Variants in CDH2 observed in about 807,000 individuals in gnomAD.
The protein encoded by CDH2 is cadherin-2.
A neutral mutation model predicts 92.0 loss-of-function variants in CDH2; 17 were observed. The ratio of observed to expected loss-of-function variants is 0.18; its 90% confidence interval spans 0.13 to 0.28. CDH2 has a LOEUF of 0.28. CDH2 is among the 10% of genes least tolerant of loss of function. CDH2 has a pLI of 1.00. For missense variants in CDH2, 862 were observed against 1,133.1 expected, an observed-to-expected ratio of 0.76 and a Z score of 3.44; for synonymous variants, 419 against 415.9, an observed-to-expected ratio of 1.01 and a Z score of -0.09.
chr18:28,134,058 G>A (rs955388229), intron 2 of CDH2, among the ~76,000 whole-genome samples: 8 of 151,058 alleles, frequency 5.3e-5, no homozygotes, highest in African/African-American at 1.5e-4. Context: ...CTACTCAGGC[G>A]GCTAAAGTAA....
chr18:27,938,636 T>G (rs1909072331), intron 6 of CDH2, among the ~76,000 whole-genome samples: 1 of 152,202 alleles, frequency 6.6e-6, no homozygotes, highest in African/African-American at 2.4e-5. Context: ...ATAATTATAC[T>G]ATACCCTTTC....
At chr18:28,040,753 G>T (rs2013932955) in intron 2 of CDH2, among the ~76,000 whole-genome samples, 2 of 152,204 alleles carry the variant, frequency 1.3e-5, no homozygotes, top group South Asian at 4.1e-4. Flanking sequence ...AATACCAAAT[G>T]GGTGACTCCC....
chr18:28,162,721 C>A (rs1030157436), intron 1 of CDH2, among the ~76,000 whole-genome samples: 1 of 152,132 alleles, frequency 6.6e-6, no homozygotes, highest in Non-Finnish European at 1.5e-5. Context: ...AGGAACTGGC[C>A]GAGTTGTTAT....
chr18:28,128,648 T>G (rs2015716969), intron 2 of CDH2, among the ~76,000 whole-genome samples: 1 of 151,282 alleles, frequency 6.6e-6, no homozygotes, highest in South Asian at 2.1e-4. Flanking sequence ...ATCATGCCAT[T>G]GCACTCCAGC....
intron 14 of CDH2, among the ~76,000 whole-genome samples, chr18:27,976,005 A>C (rs2011815963): frequency 6.6e-6 from 1 of 152,128 alleles, no homozygotes; most frequent in African/African-American, 2.4e-5. Flanking sequence ...GGGTCCTTAT[A>C]GGGACAGAAT....
At chr18:27,938,538 CT>C (rs1909071077) in intron 6 of CDH2, among the ~76,000 whole-genome samples, 2 of 152,078 alleles carry the variant, frequency 1.3e-5, no homozygotes, top group South Asian at 4.1e-4. Flanking sequence ...TTTGGATTAT[CT>C]TTTTCAATCA....
intron 2 of CDH2, among the ~76,000 whole-genome samples, chr18:28,141,162 A>G (rs1451314272): frequency 2.6e-5 from 4 of 151,802 alleles, no homozygotes; most frequent in South Asian, 2.1e-4. Flanking sequence ...CAATCCCTCA[A>G]TTCTACTCCC....
chr18:28,107,144 C>T (rs2015334788), intron 2 of CDH2, among the ~76,000 whole-genome samples: 1 of 152,006 alleles, frequency 6.6e-6, no homozygotes, highest in Non-Finnish European at 1.5e-5. Flanking sequence ...TTTCAGACTA[C>T]AAAATCAACG....
intron 2 of CDH2, among the ~76,000 whole-genome samples, chr18:28,138,045 T>C (rs1438815562): frequency 2.0e-5 from 3 of 152,020 alleles, no homozygotes; most frequent in African/African-American, 7.2e-5. Flanking sequence ...TCTGGATGTG[T>C]GTGTGTGTGT....
intron 2 of CDH2, among the ~76,000 whole-genome samples, chr18:28,060,595 C>T (rs960024865): frequency 6.6e-5 from 10 of 152,162 alleles, no homozygotes; most frequent in Non-Finnish European, 1.0e-4. Context: ...GCACTTGATT[C>T]TTTCTCTTTA....
chr18:28,048,758 T>C lies in CDH2; in HGVS notation c.173-34849A>G, dbSNP rs551912205. On this transcript the variant is annotated intron_variant, in intron 2 of 15. Coordinates refer to ENST00000269141, the MANE Select transcript of CDH2 (RefSeq NM_001792.5). ...CCTTTACTTCAGAACAGGCAAACAC[T>C]GCCAGCAAAAACAACAAACAAAATT... is the stretch of plus-strand genomic sequence containing the variant. 1.2e-4 allele frequency among the ~76,000 whole-genome samples: 19 copies of C among 152,246 alleles called. 1 individual carries two copies. In the East Asian group the frequency reaches 3.5e-3, roughly 28 times the overall value.
rs181931861 is a variant in CDH2 at position 28,078,296 on chromosome 18, T to C, written c.173-64387A>G. 1.5e-3 allele frequency among the ~76,000 whole-genome samples: 223 copies of C among 152,204 alleles called. 2 individuals carry two copies. Among genetic ancestry groups the C allele is most frequent in the African/African-American group, 5.2e-3 (217 of 41,544 alleles). ...ACCTCCTGGAACTGTGCAAACACTA[T>C]ATGATTTAATATATATAAGCAAAGT... On this transcript the variant is annotated intron_variant, in intron 2 of 15. Coordinates refer to ENST00000269141, the MANE Select transcript of CDH2 (RefSeq NM_001792.5).
Position 28,095,807 on chromosome 18 carries a change from C to CAGAA in CDH2, c.172+51865_172+51866insTTCT, listed in dbSNP as rs1481029739. Among the ~76,000 whole-genome samples the CAGAA allele has an allele frequency of 7.8e-5, 8 of 102,934 alleles. No individual in the cohort carries two copies. In the Admixed American group the frequency reaches 9.1e-4, roughly 12 times the overall value. 67.5% of individuals were successfully genotyped at this position (102,934 alleles called of 152,430 possible). A position where few individuals can be genotyped will look rare whatever the true frequency, so the allele number is the denominator to read the frequency against. ...CCTGGGCAATAGGATGCAACTCCAT[C>CAGAA]AAAAAAAAAAAAAAAAAAGAAAGAA... On this transcript the variant is annotated intron_variant, in intron 2 of 15. Transcript: ENST00000269141.
downstream of CDH2, among the ~76,000 whole-genome samples, chr18:27,949,006 G>A (rs1011534506): frequency 6.6e-6 from 1 of 151,900 alleles, no homozygotes; most frequent in Admixed American, 6.6e-5. Context: ...AGAAAAACAT[G>A]TTTCTGGATG....
At chr18:28,024,712 A>G (rs978251838) in intron 2 of CDH2, among the ~76,000 whole-genome samples, 2 of 151,740 alleles carry the variant, frequency 1.3e-5, no homozygotes, top group Non-Finnish European at 2.9e-5. Context: ...AAATCAACTA[A>G]TTTAATTGAA....
At chr18:28,085,398 G>C (rs890935655) in intron 2 of CDH2, among the ~76,000 whole-genome samples, 1 of 152,008 alleles carries the variant, frequency 6.6e-6, no homozygotes, top group Non-Finnish European at 1.5e-5. Context: ...CATTCTACTT[G>C]TTCACCTGCT....
At position 28,011,983 on chromosome 18, in the gene CDH2, C is replaced by T. The variant is rs1248902182; in HGVS notation, c.409G>A (p.Glu137Lys). 6.2e-7 allele frequency: 1 copy of T among 1,613,496 alleles called. No individual in the cohort carries two copies. Among genetic ancestry groups the T allele is most frequent in the South Asian group, 1.1e-5 (1 of 90,986 alleles). ...LTEESVKESA[E>K]VEEIVFPRQF... Reference sequence around the variant, plus strand: ...CTTGGGAACACTATTTCTTCAACTTCTGCTGACTCCTTTACATTAAAATAG... The same window carrying T: ...CTTGGGAACACTATTTCTTCAACTTTTGCTGACTCCTTTACATTAAAATAG... Residue 137 changes from glutamate (E) to lysine (K), a missense_variant, in exon 4 of 16, where the codon GAA becomes AAA. By Grantham distance (56) the Glu-to-Lys change is moderately conservative. Coordinates refer to ENST00000269141, the MANE Select transcript of CDH2 (RefSeq NM_001792.5).
chr18:27,936,748 T>A (rs1909029091), intron 6 of CDH2, among the ~76,000 whole-genome samples: 1 of 152,162 alleles, frequency 6.6e-6, no homozygotes. Context: ...TTGTCCAGAC[T>A]GGTCTCAAAC....
intron 1 of CDH2, among the ~76,000 whole-genome samples, chr18:28,149,820 C>T (rs577247195): frequency 9.9e-5 from 15 of 152,234 alleles, no homozygotes; most frequent in African/African-American, 3.4e-4. Context: ...TGTAAAGATC[C>T]GCATAGACAC....
Sources: allele counts gnomAD v4.1 joint callset (sites outside exome capture counted in the v4.1 genomes callset), GRCh38; gene constraint gnomAD v4.1.1; transcripts MANE v1.5; gene names NCBI Gene and HGNC (gene_info 2026-07-23, HGNC 2026-07-21).